The following SLC9A9 variants were observed in gnomAD, a reference collection of about 807,000 sequenced individuals.
The protein encoded by SLC9A9 is sodium/hydrogen exchanger 9.
In SLC9A9, 62 loss-of-function variants were observed where a neutral mutation model predicts 77.8. The ratio of observed to expected loss-of-function variants is 0.80; its 90% CI spans 0.65 to 0.98. The LOEUF (loss-of-function observed/expected upper bound fraction) is 0.98. SLC9A9 is among the 50% of genes least tolerant of loss of function. The pLI is 0.00. For missense variants in SLC9A9, 775 were observed against 774.9 expected, an observed-to-expected ratio of 1.00 and a Z score of 0.00; for synonymous variants, 320 against 283.5, an observed-to-expected ratio of 1.13 and a Z score of -1.29.
intron 4 of SLC9A9, among the ~76,000 whole-genome samples, chr3:143,714,387 C>T (rs541929743): frequency 2.7e-4 from 41 of 152,282 alleles, no homozygotes; most frequent in Admixed American, 9.2e-4. Context: ...ACATCCCTAC[C>T]TCCTCACCTT....
intron 14 of SLC9A9, among the ~76,000 whole-genome samples, chr3:143,310,572 G>A (rs575027636): frequency 2.7e-5 from 4 of 149,992 alleles, no homozygotes; most frequent in Non-Finnish European, 4.4e-5. Context: ...AAGTTTGTAC[G>A]AATTTTAGAA....
At chr3:143,466,898 A>G in intron 12 of SLC9A9, 139 bp downstream of exon 12, 1 of 1,057,566 alleles carries the variant, frequency 9.5e-7, no homozygotes, top group Non-Finnish European at 1.4e-6. Context: ...GTTTCACCTT[A>G]TGAGTGAAGG....
chr3:143,671,004 G>A (rs1389887235), intron 5 of SLC9A9, among the ~76,000 whole-genome samples: 1 of 152,136 alleles, frequency 6.6e-6, no homozygotes, highest in Non-Finnish European at 1.5e-5. Context: ...AAGAATATTG[G>A]ACCTGATTTG....
chr3:143,784,963 G>A (rs1344953307), intron 4 of SLC9A9, among the ~76,000 whole-genome samples: 2 of 152,080 alleles, frequency 1.3e-5, no homozygotes, highest in Non-Finnish European at 2.9e-5. Flanking sequence ...ATCTGCAATC[G>A]TGAAGAGGGC....
rs745484539 is a variant in SLC9A9, at chr3:143,269,014, G to C, written c.1605-34C>G. On this transcript the variant is annotated intron_variant, in intron 14 of 15. Coordinates refer to ENST00000316549, the MANE Select transcript of SLC9A9 (RefSeq NM_173653.4). Reference sequence around the variant, plus strand: ...CCTGTTAAGGAATACTTGTCAACAGGGAGTTAGGATTTAGGAATCTTACGC... The same window carrying C: ...CCTGTTAAGGAATACTTGTCAACAGCGAGTTAGGATTTAGGAATCTTACGC... 1.7e-5 allele frequency: 26 copies of C among 1,490,390 alleles called. No homozygotes were observed. In the South Asian group the frequency reaches 1.8e-4, roughly 10 times the overall value. The allele number at this position is 1,490,390 out of a possible 1,614,324, so 92.3% of individuals were successfully genotyped here. A position where few individuals can be genotyped will look rare whatever the true frequency, so the allele number is the denominator to read the frequency against.
At position 143,720,823 on chromosome 3, in the gene SLC9A9, A is replaced by AGTTTAGGATG. The variant is rs1560047831; in HGVS notation, c.534-27517_534-27516insCATCCTAAAC. On this transcript the variant is annotated intron_variant, in intron 4 of 15. Transcript: ENST00000316549. The stretch of plus-strand genomic sequence containing the variant: ...ACATTCAAATCGCTTTTCTGGGTCC[A>AGTTTAGGATG]GCCCATATTGGCTGTCTAGGGATGG... Among the ~76,000 whole-genome samples, 1,257 of 152,346 alleles carry AGTTTAGGATG rather than the reference A, an allele frequency of 8.3e-3. 18 individuals are homozygous for AGTTTAGGATG. Among genetic ancestry groups the AGTTTAGGATG allele is most frequent in the African/African-American group, 0.029 (1,210 of 41,550 alleles).
chr3:143,552,292 C>A, intron 9 of SLC9A9, 70 bp downstream of exon 9: 1 of 1,099,626 alleles, frequency 9.1e-7, no homozygotes, highest in South Asian at 1.4e-5. Flanking sequence ...TCTGACTATA[C>A]TGCCAGAATT....
At chr3:143,585,920 C>G (rs2037533169) in intron 6 of SLC9A9, among the ~76,000 whole-genome samples, 1 of 152,156 alleles carries the variant, frequency 6.6e-6, no homozygotes, top group Non-Finnish European at 1.5e-5. Context: ...GGCTTTGGCT[C>G]CACTGCAGGT....
rs149403790 is a variant in SLC9A9, at chr3:143,663,820, T to C, written c.650-11460A>G. Among the ~76,000 whole-genome samples the C allele has an allele frequency of 3.8e-3, 573 of 152,266 alleles. 4 individuals carry two copies. The highest frequency in any genetic ancestry group is 0.013 in the African/African-American group (545 of 41,546). ...CTCCAAGAAATACGGGAAACTCATA[T>C]GGGATTATGTGAAAAGACTAAATCT... is the stretch of plus-strand genomic sequence containing the variant. On this transcript the variant is annotated intron_variant, in intron 5 of 15. Coordinates refer to ENST00000316549, the MANE Select transcript of SLC9A9 (RefSeq NM_173653.4).
At chr3:143,540,726 T>C (rs1210589778) in intron 9 of SLC9A9, among the ~76,000 whole-genome samples, 3 of 152,238 alleles carry the variant, frequency 2.0e-5, no homozygotes, top group Admixed American at 2.0e-4. Flanking sequence ...CACTACTCTA[T>C]TCTTTGTGTG....
At chr3:143,482,637 G>A (rs1393941684) in intron 11 of SLC9A9, among the ~76,000 whole-genome samples, 1 of 152,164 alleles carries the variant, frequency 6.6e-6, no homozygotes, top group Non-Finnish European at 1.5e-5. Flanking sequence ...TTTCAGGAAG[G>A]CTGCCAGGGC....
chr3:143,711,882 G>A (rs1281159720), intron 4 of SLC9A9, among the ~76,000 whole-genome samples: 1 of 152,198 alleles, frequency 6.6e-6, no homozygotes, highest in Non-Finnish European at 1.5e-5. Flanking sequence ...AATACTAACT[G>A]ACCAAACTCC....
At chr3:143,406,449 C>T (rs907969333) in intron 12 of SLC9A9, among the ~76,000 whole-genome samples, 1 of 151,722 alleles carries the variant, frequency 6.6e-6, no homozygotes, top group African/African-American at 2.4e-5. Flanking sequence ...GCGATCTCGA[C>T]TCACTGCAAC....
chr3:143,630,903 A>G lies in SLC9A9; in HGVS notation c.755+21352T>C, dbSNP rs575661136. On this transcript the variant is annotated intron_variant, in intron 6 of 15. Transcript: ENST00000316549. ...ATGTCAAACTAACCTTAAATACACA[A>G]GAAGTCTTTTTCCAGCTCGTTGCTA... 1.3e-3 allele frequency among the ~76,000 whole-genome samples: 201 copies of G among 152,250 alleles called. 1 individual carries two copies. Among genetic ancestry groups the G allele is most frequent in the African/African-American group, 4.6e-3 (192 of 41,570 alleles).
chr3:143,291,804 A>C (rs1016064876), intron 14 of SLC9A9, among the ~76,000 whole-genome samples: 1 of 152,240 alleles, frequency 6.6e-6, no homozygotes, highest in Non-Finnish European at 1.5e-5. Context: ...ACAAAACTCC[A>C]TAAAGGTACA....
chr3:143,630,354 C>G (rs925183036), intron 6 of SLC9A9, among the ~76,000 whole-genome samples: 34 of 152,308 alleles, frequency 2.2e-4, no homozygotes, highest in African/African-American at 7.0e-4. Context: ...CAGAGCTGCT[C>G]TAGCAATGTA....
chr3:143,326,009 A>T (rs2031591011), intron 14 of SLC9A9, among the ~76,000 whole-genome samples: 1 of 152,204 alleles, frequency 6.6e-6, no homozygotes, highest in African/African-American at 2.4e-5. Context: ...CTATTCATGC[A>T]TGCAAGTGCT....
At chr3:143,630,537 AT>A (rs1026653424) in intron 6 of SLC9A9, among the ~76,000 whole-genome samples, 2 of 152,128 alleles carry the variant, frequency 1.3e-5, no homozygotes, top group African/African-American at 4.8e-5. Context: ...TGCCTTGACT[AT>A]TATCGGTGAG....
At chr3:143,814,713 CA>C (rs763726444) in intron 2 of SLC9A9, among the ~76,000 whole-genome samples, 22 of 152,252 alleles carry the variant, frequency 1.4e-4, no homozygotes, top group Non-Finnish European at 2.4e-4. Context: ...AGGCAAACCC[CA>C]AAAGTGGACC....
Sources: gnomAD v4.1 joint callset for allele counts (sites outside exome capture counted in the v4.1 genomes callset) on GRCh38, gnomAD v4.1.1 for gene constraint, MANE v1.5 for transcripts, NCBI Gene and HGNC (gene_info 2026-07-23, HGNC 2026-07-21) for gene names.